The following ABCA3 variants were observed in gnomAD, a reference collection of about 807,000 sequenced individuals.
ABCA3 encodes the protein ATP binding cassette subfamily A member 3.
ABCA3 carries 88 observed loss-of-function variants against 172.8 expected under a neutral mutation model. The ratio of observed to expected loss-of-function variants is 0.51; its 90% CI spans 0.43 to 0.61. The LOEUF is 0.61. Ranked by LOEUF, ABCA3 falls within the 20% of genes least tolerant of loss-of-function variation. The pLI, the probability that ABCA3 is intolerant of heterozygous loss-of-function variation, is 0.00. For synonymous variants in ABCA3, 1,066 were observed against 983.8 expected, an observed-to-expected ratio of 1.08 and a Z score of -1.56; for missense variants, 2,164 against 2,301.0, an observed-to-expected ratio of 0.94 and a Z score of 1.22.
chr16:2,297,562 G>A lies in ABCA3; in HGVS notation c.2053-23C>T, dbSNP rs112851043. On this transcript the variant is annotated intron_variant, in intron 16 of 32. Transcript: ENST00000301732. The surrounding 1 kb of genome is among the most constrained non-coding windows in gnomAD (Gnocchi z 5.6). ...CACCTGGAGGGAGAGACACAGTCTC[G>A]CGACGCTGGTAGAGCCACACCCCGG... 1,310 of 1,610,338 alleles carry A rather than the reference G, an allele frequency of 8.1e-4. 14 individuals carry two copies. In the African/African-American group the frequency reaches 0.015, roughly 18 times the overall value.
At chr16:2,303,545 C>T (rs1389571965) in intron 12 of ABCA3, among the ~76,000 whole-genome samples, 1 of 152,164 alleles carries the variant, frequency 6.6e-6, no homozygotes, top group Non-Finnish European at 1.5e-5. Flanking sequence ...GCTGGGATTA[C>T]AGGCGTGAGC....
intron 10 of ABCA3, among the ~76,000 whole-genome samples, chr16:2,309,683 T>C (rs1287188797): frequency 6.6e-6 from 1 of 152,144 alleles, no homozygotes; most frequent in Non-Finnish European, 1.5e-5. Context: ...AGTGGTGCCA[T>C]CATGGCTCAC....
rs323049 is a variant in ABCA3 at position 2,328,595 on chromosome 16, C to T, written c.-169G>A. The stretch of plus-strand genomic sequence containing the variant: ...CTCTGTCCTGGAGAGGCAGGGAAGG[C>T]GATGGAGGAGGGGCAGTCTAGAGAG... On this transcript the variant is annotated 5_prime_UTR_variant, in exon 3 of 33. Coordinates refer to ENST00000301732, the MANE Select transcript of ABCA3 (RefSeq NM_001089.3). 0.032 allele frequency: 16,635 copies of T among 512,182 alleles called. 2,176 individuals are homozygous for T. Among genetic ancestry groups the T allele is most frequent in the African/African-American group, 0.28 (14,672 of 51,802 alleles). 31.7% of individuals were successfully genotyped at this position (512,182 alleles called of 1,614,324 possible).
intron 8 of ABCA3, among the ~76,000 whole-genome samples, chr16:2,318,398 G>A (rs1161501760): frequency 6.6e-6 from 1 of 152,180 alleles, no homozygotes; most frequent in East Asian, 1.9e-4. Context: ...GGGAGTCCTG[G>A]GGCGGCCACA....
At chr16:2,290,221 T>C (rs563126640) in intron 19 of ABCA3, among the ~76,000 whole-genome samples, 58 of 152,220 alleles carry the variant, frequency 3.8e-4, no homozygotes, top group African/African-American at 1.3e-3. Context: ...ATTCTCCCAG[T>C]CCCACTCATC....
intron 1 of ABCA3, 87 bp from the exon 2 acceptor site, chr16:2,329,941 T>G (rs570301655): frequency 3.9e-5 from 6 of 152,108 alleles, no homozygotes; most frequent in Non-Finnish European, 7.4e-5. Flanking sequence ...AAGAGCAAAA[T>G]AGATTTTGAG....
intron 19 of ABCA3, 151 bp from the exon 20 acceptor site, chr16:2,289,771 C>G: frequency 1.2e-6 from 1 of 802,358 alleles, no homozygotes; most frequent in South Asian, 1.7e-5. Context: ...TCATCAGTGT[C>G]TCCGGCCACC....
chr16:2,289,122 G>A (rs557544727), intron 20 of ABCA3: 9 of 397,608 alleles, frequency 2.3e-5, no homozygotes, highest in Non-Finnish European at 3.7e-5. Flanking sequence ...TCTGTGAACC[G>A]AGTGCATCAA....
chr16:2,299,389 C>T lies in ABCA3; in HGVS notation c.1741+14G>A, dbSNP rs773912764. On this transcript the variant is annotated intron_variant, in intron 14 of 32. Transcript: ENST00000301732. ...GCCTGCTGGTGGCAGGGGCGTGAGG[C>T]GCCTGGCCCTCACCTGTGAGCATGG... is the stretch of plus-strand genomic sequence containing the variant. 11 of 1,613,014 alleles carry T rather than the reference C, an allele frequency of 6.8e-6. No individual in the cohort carries two copies. The highest frequency in any genetic ancestry group is 1.3e-5 in the African/African-American group (1 of 75,036).
At position 2,326,292 on chromosome 16, in the gene ABCA3, G is replaced by C. The variant is rs2093734284; in HGVS notation, c.55-18C>G. Reference sequence around the variant, plus strand: ...TTCCGCTTCTGGAAGAGATACAATAGGGCACGGTGATGGGCTGCAAGGCAG... The same window carrying C: ...TTCCGCTTCTGGAAGAGATACAATACGGCACGGTGATGGGCTGCAAGGCAG... On this transcript the variant is annotated intron_variant, in intron 4 of 32. Transcript: ENST00000301732. The C allele has an allele frequency of 6.2e-7, 1 of 1,612,126 alleles. No homozygotes were observed.
At position 2,276,463 on chromosome 16, in the gene ABCA3, G is replaced by T; in HGVS notation, c.*211C>A. On this transcript the variant is annotated 3_prime_UTR_variant, in exon 33 of 33. Coordinates refer to ENST00000301732, the MANE Select transcript of ABCA3 (RefSeq NM_001089.3). ...CAGCTCTGGGAAAGTGAACTCCAGA[G>T]TATGCAGACATGGAGATGCGCATGC... is the stretch of plus-strand genomic sequence containing the variant. 1 of 876,068 alleles carries T rather than the reference G, an allele frequency of 1.1e-6. No homozygotes were observed. The highest frequency in any genetic ancestry group is 1.8e-6 in the Non-Finnish European group (1 of 562,790). The allele number at this position is 876,068 out of a possible 1,614,324, so 54.3% of individuals were successfully genotyped here.
intron 10 of ABCA3, among the ~76,000 whole-genome samples, chr16:2,314,053 G>A (rs1045381042): frequency 1.3e-5 from 2 of 152,140 alleles, no homozygotes; most frequent in Non-Finnish European, 2.9e-5. Context: ...ATGCGCACCG[G>A]TGCAGACACT....
chr16:2,277,851 A>AGTGGGGG lies in ABCA3; in HGVS notation c.4909+21_4909+27dup. 1 of 1,607,716 alleles carries AGTGGGGG rather than the reference A, an allele frequency of 6.2e-7. No individual in the cohort carries two copies. The highest frequency in any genetic ancestry group is 2.2e-4 in the Middle Eastern group (1 of 4,518). The stretch of plus-strand genomic sequence containing the variant: ...CTAGGTAGGGGCCCAGGGCCCACCC[A>AGTGGGGG]GTGGGGGCTGCCGGGGCCGGCACAC... On this transcript the variant is annotated intron_variant, in intron 31 of 32. Coordinates refer to ENST00000301732, the MANE Select transcript of ABCA3 (RefSeq NM_001089.3). This position sits in a 1 kb window ranked among gnomAD's most constrained non-coding sequence, Gnocchi z 5.3.
At chr16:2,307,756 C>T (rs1441555839) in intron 11 of ABCA3, among the ~76,000 whole-genome samples, 1 of 152,114 alleles carries the variant, frequency 6.6e-6, no homozygotes, top group Admixed American at 6.5e-5. Flanking sequence ...CAGGCGCCTG[C>T]CACCACGCCC....
intron 5 of ABCA3, among the ~76,000 whole-genome samples, chr16:2,325,197 C>T (rs538108356): frequency 3.4e-3 from 520 of 152,282 alleles, no homozygotes; most frequent in Non-Finnish European, 5.3e-3. Context: ...AAACCACGTC[C>T]CAGAAAAGGT....
chr16:2,305,438 A>G (rs975759642), intron 11 of ABCA3, among the ~76,000 whole-genome samples: 1 of 152,152 alleles, frequency 6.6e-6, no homozygotes, highest in African/African-American at 2.4e-5. Context: ...CTGGGACTAC[A>G]GGTGTGCGCC....
In ABCA3 at chr16:2,298,373, G is replaced by T; in HGVS notation, c.1896+13C>A. 6.2e-7 allele frequency: 1 copy of T among 1,613,968 alleles called. No homozygotes were observed. The highest frequency in any genetic ancestry group is 8.5e-7 in the Non-Finnish European group (1 of 1,179,968). On this transcript the variant is annotated intron_variant, in intron 15 of 32. Coordinates refer to ENST00000301732, the MANE Select transcript of ABCA3 (RefSeq NM_001089.3). Reference sequence around the variant, plus strand: ...GTGGAAACACCCCTGCACACCCCTGGCCCCCAACTCACCTGGGCGTAGAAA... The same window carrying T: ...GTGGAAACACCCCTGCACACCCCTGTCCCCCAACTCACCTGGGCGTAGAAA...
At chr16:2,331,717 C>T (rs2093743492) in intron 1 of ABCA3, among the ~76,000 whole-genome samples, 2 of 152,216 alleles carry the variant, frequency 1.3e-5, no homozygotes, top group Non-Finnish European at 2.9e-5. Context: ...CACTTGACGC[C>T]GAGGCGGCAG....
intron 9 of ABCA3, 111 bp from the exon 10 acceptor site, chr16:2,317,514 T>A: frequency 6.3e-7 from 1 of 1,588,098 alleles, no homozygotes; most frequent in Non-Finnish European, 8.6e-7. Context: ...GAGTGGGACA[T>A]TGACAGCTCC....
Sources: gnomAD v4.1 joint callset for allele counts (sites outside exome capture counted in the v4.1 genomes callset) on GRCh38, gnomAD v4.1.1 for gene constraint, Gnocchi (gnomAD v3.1) non-coding constraint, MANE v1.5 for transcripts, NCBI Gene and HGNC (gene_info 2026-07-23, HGNC 2026-07-21) for gene names.